The following VWA3B variants were observed in gnomAD, a reference collection of about 807,000 sequenced individuals.
VWA3B encodes the protein von Willebrand factor A domain containing 3B.
In VWA3B, 138 loss-of-function variants were observed where a neutral mutation model predicts 158.3. The observed-to-expected ratio is 0.87, with a 90% confidence interval of 0.76 to 1.00. The LOEUF (loss-of-function observed/expected upper bound fraction) is 1.00. Among genes scored for constraint, VWA3B ranks in the 50% least tolerant of loss-of-function variants. The probability of loss-of-function intolerance (pLI) is 0.00; values close to 1 mark genes in which losing one functional copy is unlikely to be tolerated. For missense variants in VWA3B, 1,555 were observed against 1,565.1 expected (o/e 0.99, Z 0.11); for synonymous variants, 596 against 587.3 (o/e 1.01, Z -0.21).
intron 23 of VWA3B, among the ~76,000 whole-genome samples, chr2:98,296,736 T>C (rs1689823091): frequency 6.6e-6 from 1 of 152,180 alleles, no homozygotes; most frequent in Non-Finnish European, 1.5e-5. Context: ...CTGGGGGAGG[T>C]GTCCAATGTC....
chr2:98,203,055 T>A (rs1682706505), intron 12 of VWA3B, among the ~76,000 whole-genome samples: 1 of 152,168 alleles, frequency 6.6e-6, no homozygotes, highest in Non-Finnish European at 1.5e-5. Context: ...ATGTTCTCGA[T>A]TTCCTGACTT....
intron 22 of VWA3B, among the ~76,000 whole-genome samples, chr2:98,278,830 G>A (rs111969606): frequency 4.8e-4 from 73 of 152,254 alleles, no homozygotes; most frequent in Non-Finnish European, 8.7e-4. Flanking sequence ...CCAGGCTTGA[G>A]AGTGGGGCCC....
chr2:98,120,608 C>A (rs143883271), intron 4 of VWA3B, among the ~76,000 whole-genome samples: 10 of 152,350 alleles, frequency 6.6e-5, no homozygotes, highest in African/African-American at 2.4e-4. Flanking sequence ...TGTGAGCCAG[C>A]CCTGCTTCTG....
chr2:98,112,303 G>GGT lies in VWA3B; in HGVS notation c.197-3328_197-3327dup, dbSNP rs956197294. ...TGGGGTGTGTGTGTGTGTGTGTGTG[G>GGT]GTGTGTGTGTGTGTGTGTGTGTTTT... is the stretch of plus-strand genomic sequence containing the variant. On this transcript the variant is annotated intron_variant, in intron 2 of 27. Coordinates refer to ENST00000477737, the MANE Select transcript of VWA3B (RefSeq NM_144992.5). Among the ~76,000 whole-genome samples, 109 of 136,888 alleles carry GGT rather than the reference G, an allele frequency of 8.0e-4. 1 individual carries two copies. The highest frequency in any genetic ancestry group is 3.7e-3 in the East Asian group (18 of 4,896). The allele number at this position is 136,888 out of a possible 152,430, so 89.8% of individuals were successfully genotyped here.
At chr2:98,196,004 A>T (rs1040286366) in intron 12 of VWA3B, among the ~76,000 whole-genome samples, 1 of 152,248 alleles carries the variant, frequency 6.6e-6, no homozygotes, top group South Asian at 2.1e-4. Context: ...AAGTAAAATA[A>T]ACCAGGCAGA....
chr2:98,186,300 C>T (rs550642267), intron 9 of VWA3B, among the ~76,000 whole-genome samples: 1 of 151,764 alleles, frequency 6.6e-6, no homozygotes, highest in South Asian at 2.1e-4. Flanking sequence ...GTGCTCTGAT[C>T]GCTTCTCTGT....
intron 12 of VWA3B, chr2:98,206,126 A>G (rs888390092): frequency 2.6e-5 from 4 of 152,228 alleles, no homozygotes; most frequent in East Asian, 3.9e-4. Context: ...ATTGGGCAAC[A>G]CTCAGTCTCC....
At chr2:98,272,794 G>T (rs796239047) in intron 22 of VWA3B, among the ~76,000 whole-genome samples, 9 of 152,276 alleles carry the variant, frequency 5.9e-5, no homozygotes, top group African/African-American at 2.2e-4. Context: ...AATACCACAA[G>T]CTGGCTAGAC....
intron 2 of VWA3B, among the ~76,000 whole-genome samples, chr2:98,106,426 A>T (rs569536776): frequency 4.5e-4 from 69 of 152,240 alleles, no homozygotes; most frequent in African/African-American, 1.6e-3. Flanking sequence ...TTGCTATAAT[A>T]TTGATAGGAG....
intron 7 of VWA3B, among the ~76,000 whole-genome samples, chr2:98,151,420 G>T (rs796425967): frequency 2.4e-4 from 37 of 152,248 alleles, no homozygotes; most frequent in African/African-American, 7.9e-4. Flanking sequence ...GGGTATATTC[G>T]TATTGTGGTG....
intron 2 of VWA3B, among the ~76,000 whole-genome samples, chr2:98,100,984 T>C (rs1455572367): frequency 6.6e-6 from 1 of 152,202 alleles, no homozygotes; most frequent in Non-Finnish European, 1.5e-5. Context: ...GCCATCTTGC[T>C]CTGCCTTCAT....
intron 1 of VWA3B, among the ~76,000 whole-genome samples, chr2:98,089,847 C>A (rs1347943565): frequency 6.6e-6 from 1 of 151,974 alleles, no homozygotes; most frequent in African/African-American, 2.4e-5. Context: ...TTTTAAAAGT[C>A]ATATGAGTGC....
At chr2:98,293,591 G>A (rs1689623180) in intron 23 of VWA3B, among the ~76,000 whole-genome samples, 1 of 152,012 alleles carries the variant, frequency 6.6e-6, no homozygotes, top group African/African-American at 2.4e-5. Context: ...TTAACATTTG[G>A]TCACATTTTA....
intron 2 of VWA3B, 82 bp from the exon 3 acceptor site, chr2:98,115,570 C>A: frequency 2.0e-6 from 2 of 1,012,292 alleles, no homozygotes; most frequent in South Asian, 1.3e-5. Flanking sequence ...TGAATGGTGT[C>A]AGAGAAAAAC....
Position 98,250,380 on chromosome 2 carries a change from A to T in VWA3B, c.2736A>T (p.Gly912=). The change falls in exon 20 of 28, where the codon GGA becomes GGT. Residue 912 remains glycine, a synonymous_variant. Coordinates refer to ENST00000477737, the MANE Select transcript of VWA3B (RefSeq NM_144992.5). ...AGATGACATTAATTAACCCCCAAGG[A>T]GCCAAACTCAATATCTACAAGCGAA... ...TNKMTLINPQ[G]AKLNIYKRKV... 6.2e-7 allele frequency: 1 copy of T among 1,613,648 alleles called. No individual in the cohort carries two copies. Among genetic ancestry groups the T allele is most frequent in the Non-Finnish European group, 8.5e-7 (1 of 1,179,862 alleles).
chr2:98,262,149 A>T (rs1687525810), intron 21 of VWA3B, among the ~76,000 whole-genome samples: 1 of 151,694 alleles, frequency 6.6e-6, no homozygotes, highest in African/African-American at 2.4e-5. Context: ...GTTGAGTTGT[A>T]GGAGTTGTTT....
rs182025281 is a variant in VWA3B, at chr2:98,126,074, A to C, written c.703-2165A>C. Among the ~76,000 whole-genome samples the C allele has an allele frequency of 9.7e-4, 148 of 152,330 alleles. 1 individual carries two copies. The highest frequency in any genetic ancestry group is 4.4e-5 in the Non-Finnish European group (3 of 68,032). ...TCTCAATGTAAAGCATGTCCCAGGA[A>C]ATCTGTAGCGTAACACAGGGAGTTG... On this transcript the variant is annotated intron_variant, in intron 5 of 27. Transcript: ENST00000477737.
intron 12 of VWA3B, chr2:98,206,679 T>C (rs1683050612): frequency 5.9e-6 from 2 of 340,840 alleles, no homozygotes; most frequent in Non-Finnish European, 1.2e-5. Context: ...GAAATTAGCG[T>C]TGAGCAAGAA....
downstream of VWA3B, among the ~76,000 whole-genome samples, chr2:98,314,224 C>G (rs1324118220): frequency 1.3e-5 from 2 of 152,184 alleles, no homozygotes; most frequent in African/African-American, 4.8e-5. Flanking sequence ...CTGGAGTTTA[C>G]CAGGGTCAGG....
Sources: allele counts gnomAD v4.1 joint callset (sites outside exome capture counted in the v4.1 genomes callset), GRCh38; gene constraint gnomAD v4.1.1; transcripts MANE v1.5; gene names NCBI Gene and HGNC (gene_info 2026-07-23, HGNC 2026-07-21).